The following YAP1 variants were observed in gnomAD, a reference collection of about 807,000 sequenced individuals.
The protein encoded by YAP1 is transcriptional coactivator YAP1.
In YAP1, 5 loss-of-function variants were observed where a neutral mutation model predicts 56.9. The ratio of observed to expected loss-of-function variants is 0.09; its 90% CI spans 0.05 to 0.18. The LOEUF is 0.18. Ranked by LOEUF, YAP1 falls within the 10% of genes least tolerant of loss-of-function variation. The probability of loss-of-function intolerance (pLI) is 1.00; values close to 1 mark genes in which losing one functional copy is unlikely to be tolerated. For synonymous variants in YAP1, 265 were observed against 248.1 expected, an observed-to-expected ratio of 1.07 and a Z score of -0.64; for missense variants, 539 against 651.8, an observed-to-expected ratio of 0.83 and a Z score of 1.88.
chr11:102,136,788 C>G (rs1944699380), intron 2 of YAP1, among the ~76,000 whole-genome samples: 1 of 152,216 alleles, frequency 6.6e-6, no homozygotes, highest in Non-Finnish European at 1.5e-5. Flanking sequence ...AAAGTTCACT[C>G]CTCACTGATT....
chr11:102,139,484 A>G (rs1245946777), intron 2 of YAP1, among the ~76,000 whole-genome samples: 1 of 152,182 alleles, frequency 6.6e-6, no homozygotes, highest in African/African-American at 2.4e-5. Flanking sequence ...TGCAGTGTTT[A>G]TCAGTTGCCT....
intron 1 of YAP1, chr11:102,112,509 A>G (rs1379738785): frequency 2.6e-5 from 25 of 977,530 alleles, no homozygotes; most frequent in Non-Finnish European, 2.9e-5. Flanking sequence ...TAGGTTTTCC[A>G]AATACTGCAA....
intron 2 of YAP1, among the ~76,000 whole-genome samples, chr11:102,136,897 C>T (rs1944707069): frequency 6.6e-6 from 1 of 152,192 alleles, no homozygotes; most frequent in Non-Finnish European, 1.5e-5. Context: ...ATTACTAAAA[C>T]ATTAGAATAT....
chr11:102,132,175 G>A (rs1399124056), intron 2 of YAP1, among the ~76,000 whole-genome samples: 1 of 152,146 alleles, frequency 6.6e-6, no homozygotes, highest in Non-Finnish European at 1.5e-5. Context: ...AAGGCTGAGA[G>A]AAAAGTCATG....
intron 3 of YAP1, among the ~76,000 whole-genome samples, chr11:102,164,459 ACAAGATGATT>A (rs1843416938): frequency 6.6e-6 from 1 of 152,098 alleles, no homozygotes; most frequent in Non-Finnish European, 1.5e-5. Flanking sequence ...TTATGGTTAA[ACAAGATGATT>A]CACATTATTC....
In YAP1 at chr11:102,111,005, C is replaced by A; in HGVS notation, c.157C>A (p.Gln53Lys). The A allele has an allele frequency of 6.3e-7, 1 of 1,580,750 alleles. No homozygotes were observed. The highest frequency in any genetic ancestry group is 2.4e-5 in the East Asian group (1 of 40,874). ...AAPQAPPAGH[Q>K]IVHVRGDSET... ...GCCGCAGGCACCCCCCGCCGGGCAT[C>A]AGATCGTGCACGTCCGCGGGGACTC... The change falls in exon 1 of 9, where the codon CAG becomes AAG. Residue 53 changes from glutamine (Q) to lysine (K), a missense_variant. This residue lies in a region of YAP1 where 106 missense variants were observed against 86.6 expected (regional missense o/e 1.22). Transcript: ENST00000282441.
intron 6 of YAP1, among the ~76,000 whole-genome samples, chr11:102,218,685 T>C (rs1591453046): frequency 6.6e-6 from 1 of 152,178 alleles, no homozygotes; most frequent in African/African-American, 2.4e-5. Context: ...GGCTCAAATA[T>C]AGGTTTAATG....
At chr11:102,142,739 A>G (rs909742298) in intron 2 of YAP1, among the ~76,000 whole-genome samples, 2 of 152,248 alleles carry the variant, frequency 1.3e-5, no homozygotes, top group African/African-American at 2.4e-5. Context: ...TTGGATTGTC[A>G]AGTAAAACTT....
intron 1 of YAP1, chr11:102,112,888 C>T: frequency 1.7e-6 from 1 of 587,234 alleles, no homozygotes. Flanking sequence ...GTGGCATCAG[C>T]CACAAAGAAT....
intron 2 of YAP1, among the ~76,000 whole-genome samples, chr11:102,135,443 A>G (rs912402263): frequency 3.3e-5 from 5 of 152,234 alleles, no homozygotes; most frequent in Non-Finnish European, 5.9e-5. Flanking sequence ...AGCTTCACTC[A>G]TAGGTCTTGC....
intron 2 of YAP1, among the ~76,000 whole-genome samples, chr11:102,143,358 A>G (rs1205717438): frequency 1.3e-5 from 2 of 152,192 alleles, no homozygotes; most frequent in African/African-American, 2.4e-5. Flanking sequence ...GATGATTCTG[A>G]TGTATCCATC....
chr11:102,149,358 T>C (rs1299790323), intron 2 of YAP1, among the ~76,000 whole-genome samples: 1 of 152,140 alleles, frequency 6.6e-6, no homozygotes, highest in Non-Finnish European at 1.5e-5. Context: ...GGGTATGATA[T>C]GTATGCTGGA....
At chr11:102,222,364 A>C (rs1057038524) in intron 6 of YAP1, among the ~76,000 whole-genome samples, 2 of 152,234 alleles carry the variant, frequency 1.3e-5, no homozygotes, top group African/African-American at 4.8e-5. Context: ...AGGCACAGTG[A>C]AAATTCTTAG....
intron 4 of YAP1, among the ~76,000 whole-genome samples, chr11:102,203,089 G>A (rs1948957133): frequency 6.6e-6 from 1 of 152,198 alleles, no homozygotes; most frequent in Admixed American, 6.5e-5. Flanking sequence ...GTGGTCCTCA[G>A]AGCGCTGGCA....
intron 6 of YAP1, among the ~76,000 whole-genome samples, chr11:102,212,994 A>G (rs1949483684): frequency 6.6e-6 from 1 of 152,218 alleles, no homozygotes; most frequent in Non-Finnish European, 1.5e-5. Context: ...GCTTTGTGAG[A>G]TTGAGCAGTT....
intron 2 of YAP1, among the ~76,000 whole-genome samples, chr11:102,149,391 C>T (rs1237657991): frequency 1.3e-5 from 2 of 152,014 alleles, no homozygotes; most frequent in Non-Finnish European, 2.9e-5. Context: ...AGGATACCTT[C>T]AAGAGAGAAA....
rs191433920 is a variant in YAP1, at chr11:102,169,621, T to G, written c.688+7050T>G. On this transcript the variant is annotated intron_variant, in intron 3 of 8. Coordinates refer to ENST00000282441, the MANE Select transcript of YAP1 (RefSeq NM_001130145.3). Reference sequence around the variant, plus strand: ...TATTCCAAATACCTTTTTTAAAAACTTTTAAAATAAAAACACTTATTTTTT... The same window carrying G: ...TATTCCAAATACCTTTTTTAAAAACGTTTAAAATAAAAACACTTATTTTTT... 2.6e-5 allele frequency among the ~76,000 whole-genome samples: 4 copies of G among 152,348 alleles called. No homozygotes were observed. The East Asian group carries it at 7.7e-4, about 29-fold the overall frequency.
chr11:102,164,892 T>C (rs1408503350), intron 3 of YAP1, among the ~76,000 whole-genome samples: 1 of 152,218 alleles, frequency 6.6e-6, no homozygotes, highest in Non-Finnish European at 1.5e-5. Flanking sequence ...ATGGCTAATT[T>C]TGTATTTTTA....
intron 2 of YAP1, among the ~76,000 whole-genome samples, chr11:102,121,661 AT>A (rs1364625426): frequency 1.3e-5 from 2 of 152,132 alleles, no homozygotes; most frequent in African/African-American, 4.8e-5. Flanking sequence ...TAGTATATAT[AT>A]AGGATATAGG....
Sources: gnomAD v4.1 joint callset for allele counts (sites outside exome capture counted in the v4.1 genomes callset) on GRCh38, gnomAD v4.1.1 for gene constraint, gnomAD v4.1.1 regional missense constraint, MANE v1.5 for transcripts, NCBI Gene and HGNC (gene_info 2026-07-23, HGNC 2026-07-21) for gene names.